SLC30A4: variants seen among roughly 807,000 people sequenced by gnomAD.
The protein encoded by SLC30A4 is probable proton-coupled zinc antiporter SLC30A4.
In SLC30A4, 20 loss-of-function variants were observed where a neutral mutation model predicts 41.7. That is an observed-to-expected ratio of 0.48 (90% CI 0.34 to 0.70). The LOEUF is 0.70. Ranked by LOEUF, SLC30A4 falls within the 30% of genes least tolerant of loss-of-function variation. The pLI, the probability that SLC30A4 is intolerant of heterozygous loss-of-function variation, is 0.01. For synonymous variants in SLC30A4, 181 were observed against 195.9 expected (o/e 0.92, Z 0.64); for missense variants, 441 against 529.3 (o/e 0.83, Z 1.64).
Position 45,522,139 on chromosome 15 carries a change from G to A in SLC30A4, c.216C>T (p.Asp72=). 6.2e-7 allele frequency: 1 copy of A among 1,614,208 alleles called. No individual in the cohort carries two copies. ...VNGAHPTLQA[D]DDSLLDQDLP... is the part of the protein sequence containing the mutation. ...AGTCTTGGTCCAGTAAGGAATCATC[G>A]TCGGCCTGGAGGGTCGGGTGCGCCC... is the stretch of plus-strand genomic sequence containing the variant. The change falls in exon 2 of 8, where the codon GAC becomes GAT. Residue 72 remains aspartate, a synonymous_variant. Transcript: ENST00000261867.
At position 45,522,099 on chromosome 15, in the gene SLC30A4, T is replaced by C. The variant is rs201277794; in HGVS notation, c.256A>G (p.Ser86Gly). 34 of 1,614,100 alleles carry C rather than the reference T, an allele frequency of 2.1e-5. No individual in the cohort carries two copies. Among genetic ancestry groups the C allele is most frequent in the Non-Finnish European group, 7.6e-6 (9 of 1,180,042 alleles). The change falls in exon 2 of 8, where the codon AGT becomes GGT. Residue 86 changes from serine to glycine, a missense_variant. By Grantham distance (56) the Ser-to-Gly change is moderately conservative. Coordinates refer to ENST00000261867, the MANE Select transcript of SLC30A4 (RefSeq NM_013309.6). The stretch of plus-strand genomic sequence containing the variant: ...GAGTCCACCTTCAAACTCAGCTGAC[T>C]GTTGGTCAAAGGTAAGTCTTGGTCC... The part of the protein sequence containing the change: ...LLDQDLPLTN[S>G]QLSLKVDSCD...
chr15:45,506,482 C>T lies in SLC30A4; in HGVS notation c.538+4656G>A, dbSNP rs553146153. On this transcript the variant is annotated intron_variant, in intron 3 of 7. Transcript: ENST00000261867. ...GTGTCCAAATGTAAATATATCTCTC[C>T]CCATAGAACTTCAAGAGATTACTCT... Among the ~76,000 whole-genome samples the T allele has an allele frequency of 5.2e-4, 79 of 152,234 alleles. 1 individual carries two copies. Among genetic ancestry groups the T allele is most frequent in the Middle Eastern group, 3.4e-3 (1 of 294 alleles).
chr15:45,521,843 G>A, intron 2 of SLC30A4, 121 bp downstream of exon 2: 1 of 964,290 alleles, frequency 1.0e-6, no homozygotes, highest in Non-Finnish European at 1.5e-6. Flanking sequence ...CATGAGATCA[G>A]TGTCTTGATA....
chr15:45,486,116 G>A (rs1361365759), intron 7 of SLC30A4, among the ~76,000 whole-genome samples: 14 of 151,578 alleles, frequency 9.2e-5, no homozygotes, highest in Admixed American at 9.2e-4. Context: ...TCCGCTTCAT[G>A]AGTTCAGGCA....
chr15:45,507,297 G>A (rs1892179941), intron 3 of SLC30A4, among the ~76,000 whole-genome samples: 3 of 148,578 alleles, frequency 2.0e-5, no homozygotes, highest in South Asian at 2.1e-4. Flanking sequence ...TCCAGCCTGG[G>A]TGACACAGTG....
At chr15:45,512,774 G>GT (rs1892338407) in intron 2 of SLC30A4, among the ~76,000 whole-genome samples, 1 of 152,164 alleles carries the variant, frequency 6.6e-6, no homozygotes, top group African/African-American at 2.4e-5. Flanking sequence ...GAAATGTTCT[G>GT]TATCTGAGCT....
intron 5 of SLC30A4, among the ~76,000 whole-genome samples, chr15:45,487,960 AGTGTGT>A (rs58392709): frequency 0.016 from 2,231 of 139,562 alleles, 41 homozygotes; most frequent in East Asian, 0.034. Flanking sequence ...GCTGGAAAAA[AGTGTGT>A]GTGTGTGTGT....
chr15:45,512,020 C>T (rs779633429), intron 2 of SLC30A4, among the ~76,000 whole-genome samples: 11 of 152,172 alleles, frequency 7.2e-5, no homozygotes, highest in Non-Finnish European at 1.3e-4. Context: ...AGAAAACCTA[C>T]AAAATGTACA....
At chr15:45,505,745 A>G (rs542728553) in intron 3 of SLC30A4, among the ~76,000 whole-genome samples, 16 of 152,270 alleles carry the variant, frequency 1.1e-4, no homozygotes, top group African/African-American at 3.4e-4. Context: ...ATGAACATAT[A>G]TATGTATTTG....
chr15:45,492,530 T>C (rs1891829759), intron 3 of SLC30A4, among the ~76,000 whole-genome samples: 1 of 152,100 alleles, frequency 6.6e-6, no homozygotes, highest in African/African-American at 2.4e-5. Flanking sequence ...ATTCATGCCT[T>C]CATGAAGGCT....
chr15:45,479,649 G>C lies in SLC30A4; in HGVS notation c.*5514C>G, dbSNP rs979986329. 6.6e-6 allele frequency: 1 copy of C among 151,472 alleles called. No individual in the cohort carries two copies. 9.4% of individuals were successfully genotyped at this position (151,472 alleles called of 1,614,324 possible). A position where few individuals can be genotyped will look rare whatever the true frequency, so the allele number is the denominator to read the frequency against. ...GTTTTATTTCTTAAACATATAAGAG[G>C]GCATTATAAAATGACATTATAATTA... On this transcript the variant is annotated 3_prime_UTR_variant, in exon 8 of 8. Transcript: ENST00000261867.
chr15:45,488,183 A>G (rs184630461), intron 5 of SLC30A4, among the ~76,000 whole-genome samples: 2 of 152,322 alleles, frequency 1.3e-5, no homozygotes, highest in Non-Finnish European at 2.9e-5. Flanking sequence ...AGGTCAAAGC[A>G]TTAATGGCAG....
At chr15:45,488,708 T>C in intron 5 of SLC30A4, 133 bp downstream of exon 5, 1 of 672,376 alleles carries the variant, frequency 1.5e-6, no homozygotes, top group Non-Finnish European at 2.5e-6. Flanking sequence ...ATAATGATTG[T>C]CAAGTAAACT....
rs1336523630 is a variant in SLC30A4 at position 45,484,242 on chromosome 15, T to A, written c.*921A>T. On this transcript the variant is annotated 3_prime_UTR_variant, in exon 8 of 8. Transcript: ENST00000261867. ...AACGTACCACATTTTTTGTACAAATTGTTGGCAGTTCTTAAAGGGACAGAA... is the reference window on the plus strand; with the variant it reads ...AACGTACCACATTTTTTGTACAAATAGTTGGCAGTTCTTAAAGGGACAGAA... The A allele has an allele frequency of 6.6e-6, 1 of 152,350 alleles. No individual in the cohort carries two copies. Among genetic ancestry groups the A allele is most frequent in the Non-Finnish European group, 1.5e-5 (1 of 68,016 alleles). The allele number at this position is 152,350 out of a possible 1,614,324, so 9.4% of individuals were successfully genotyped here.
intron 2 of SLC30A4, chr15:45,521,692 A>G (rs1892671676): frequency 2.6e-6 from 1 of 382,184 alleles, no homozygotes; most frequent in East Asian, 4.2e-5. Context: ...AGGAAGTTAC[A>G]TGACATACAA....
Position 45,485,032 on chromosome 15 carries a change from T to C in SLC30A4, c.*131A>G. On this transcript the variant is annotated 3_prime_UTR_variant, in exon 8 of 8. Transcript: ENST00000261867. ...ACTAGCACTGTCAGGCTGGGGCAACTGTTTGAGAGACTGATGCTTGATACG... is the reference window on the plus strand; with the variant it reads ...ACTAGCACTGTCAGGCTGGGGCAACCGTTTGAGAGACTGATGCTTGATACG... 2 of 671,740 alleles carry C rather than the reference T, an allele frequency of 3.0e-6. No homozygotes were observed. Among genetic ancestry groups the C allele is most frequent in the Non-Finnish European group, 5.0e-6 (2 of 400,890 alleles). The allele number at this position is 671,740 out of a possible 1,614,324, so 41.6% of individuals were successfully genotyped here. A position where few individuals can be genotyped will look rare whatever the true frequency, so the allele number is the denominator to read the frequency against.
chr15:45,487,659 G>T, intron 5 of SLC30A4, 27 bp from the exon 6 acceptor site: 3 of 1,043,116 alleles, frequency 2.9e-6, no homozygotes, highest in South Asian at 1.3e-5. Context: ...CAAAATTTAT[G>T]ATTAAATAGA....
Position 45,485,065 on chromosome 15 carries a change from C to G in SLC30A4, c.*98G>C. 1 of 878,744 alleles carries G rather than the reference C, an allele frequency of 1.1e-6. No homozygotes were observed. Among genetic ancestry groups the G allele is most frequent in the Non-Finnish European group, 1.8e-6 (1 of 564,040 alleles). 54.4% of individuals were successfully genotyped at this position (878,744 alleles called of 1,614,324 possible). On this transcript the variant is annotated 3_prime_UTR_variant, in exon 8 of 8. Transcript: ENST00000261867. ...AGACTGATGCTTGATACGGACACAG[C>G]TGTCAGGGATTCCATTTTCTCATTT...
chr15:45,511,318 G>A (rs1892285842), intron 2 of SLC30A4, 34 bp from the exon 3 acceptor site: 2 of 1,474,110 alleles, frequency 1.4e-6, no homozygotes, highest in African/African-American at 2.8e-5. Context: ...AAAGGAACAA[G>A]TTAATTTTTT....
Sources: allele counts gnomAD v4.1 joint callset (sites outside exome capture counted in the v4.1 genomes callset), GRCh38; gene constraint gnomAD v4.1.1; transcripts MANE v1.5; gene names NCBI Gene and HGNC (gene_info 2026-07-23, HGNC 2026-07-21).